The following SH3BGRL2 variants were observed in gnomAD, a reference collection of about 807,000 sequenced individuals.
SH3BGRL2 encodes SH3 domain binding glutamate rich protein like 2.
A neutral mutation model predicts 14.8 loss-of-function variants in SH3BGRL2; 21 were observed. That is an observed-to-expected ratio of 1.42 (90% CI 1.01 to 2.05). The LOEUF (loss-of-function observed/expected upper bound fraction) is 2.05. SH3BGRL2 is among the 30% of genes most tolerant of loss of function. The pLI is 0.00. For synonymous variants in SH3BGRL2, 50 were observed against 47.8 expected, an observed-to-expected ratio of 1.05 and a Z score of -0.19; for missense variants, 147 against 130.8, an observed-to-expected ratio of 1.12 and a Z score of -0.61.
the SH3BGRL2 span, among the ~76,000 whole-genome samples, chr6:79,583,616 C>T: frequency 6.6e-6 from 1 of 152,108 alleles, no homozygotes; most frequent in Non-Finnish European, 1.5e-5. Flanking sequence ...GAACATCACA[C>T]ACCAGGGCCT....
At chr6:79,585,054 T>TAA in the SH3BGRL2 span, among the ~76,000 whole-genome samples, 330 of 148,258 alleles carry the variant, frequency 2.2e-3, 4 homozygotes, top group African/African-American at 6.1e-3. Context: ...CTTTTTTTTT[T>TAA]AAAAAAAAAA....
intron 3 of SH3BGRL2, 74 bp downstream of exon 3, chr6:79,696,639 G>T: frequency 9.1e-7 from 1 of 1,102,840 alleles, no homozygotes. Context: ...TAGAGTGACG[G>T]TGTTAGAGGA....
intron 2 of SH3BGRL2, 28 bp downstream of exon 2, chr6:79,673,827 T>C (rs1369675074): frequency 6.3e-7 from 1 of 1,599,034 alleles, no homozygotes; most frequent in South Asian, 1.1e-5. Context: ...TATCATGCTG[T>C]TTCTTTTTAT....
chr6:79,548,108 A>G, the SH3BGRL2 span, among the ~76,000 whole-genome samples: 105 of 152,212 alleles, frequency 6.9e-4, no homozygotes, highest in African/African-American at 2.2e-3. Context: ...AGCTCAAGCT[A>G]TCCTCCTGCT....
At chr6:79,628,024 C>A (rs1186545447), upstream of SH3BGRL2, among the ~76,000 whole-genome samples, 1 of 152,172 alleles carries the variant, frequency 6.6e-6, no homozygotes, top group Non-Finnish European at 1.5e-5. Flanking sequence ...ATAGCAACAA[C>A]ACTGTGACTT....
At chr6:79,554,966 T>C in the SH3BGRL2 span, among the ~76,000 whole-genome samples, 1 of 152,124 alleles carries the variant, frequency 6.6e-6, no homozygotes, top group East Asian at 1.9e-4. Context: ...TGGCAATATC[T>C]AGCTAGATAA....
At chr6:79,620,095 T>C in the SH3BGRL2 span, among the ~76,000 whole-genome samples, 2 of 152,168 alleles carry the variant, frequency 1.3e-5, no homozygotes, top group Non-Finnish European at 2.9e-5. Flanking sequence ...CTCCAGTTGT[T>C]GTTGTTTTTT....
At chr6:79,684,651 C>T (rs1473022265) in intron 2 of SH3BGRL2, among the ~76,000 whole-genome samples, 1 of 152,176 alleles carries the variant, frequency 6.6e-6, no homozygotes, top group Non-Finnish European at 1.5e-5. Flanking sequence ...AGACTGTGCG[C>T]ATTCCCATTT....
the SH3BGRL2 span, among the ~76,000 whole-genome samples, chr6:79,618,479 C>T: frequency 1.1e-3 from 172 of 152,198 alleles, no homozygotes; most frequent in South Asian, 0.011. Context: ...AGGCCGAGGC[C>T]GGCGGATCAC....
At chr6:79,562,152 C>T in the SH3BGRL2 span, among the ~76,000 whole-genome samples, 24 of 152,078 alleles carry the variant, frequency 1.6e-4, no homozygotes, top group African/African-American at 5.3e-4. Context: ...CTCACAAACT[C>T]AGAGTAAGAC....
Position 79,648,615 on chromosome 6 carries a change from T to C in SH3BGRL2, c.45+17109T>C, listed in dbSNP as rs527856567. On this transcript the variant is annotated intron_variant, in intron 1 of 3. Transcript: ENST00000369838. ...CTGGCCTCAATGCAGTCAAGGTTCT[T>C]TGAGTTCTTAGTTCTTCACGGTTAG... Among the ~76,000 whole-genome samples the C allele has an allele frequency of 3.8e-3, 573 of 152,084 alleles. 6 individuals are homozygous for C. Among genetic ancestry groups the C allele is most frequent in the African/African-American group, 0.013 (522 of 41,496 alleles).
At chr6:79,685,718 C>T (rs1423950735) in intron 2 of SH3BGRL2, among the ~76,000 whole-genome samples, 2 of 151,940 alleles carry the variant, frequency 1.3e-5, no homozygotes, top group African/African-American at 4.8e-5. Flanking sequence ...CTTTTCCTTA[C>T]AGAACTGCTT....
At chr6:79,646,905 A>G (rs1769155166) in intron 1 of SH3BGRL2, among the ~76,000 whole-genome samples, 1 of 152,218 alleles carries the variant, frequency 6.6e-6, no homozygotes, top group African/African-American at 2.4e-5. Context: ...ACTCTGTGGT[A>G]TGAATGTACC....
chr6:79,693,080 G>A (rs1238804883), intron 2 of SH3BGRL2, among the ~76,000 whole-genome samples: 1 of 151,532 alleles, frequency 6.6e-6, no homozygotes, highest in East Asian at 1.9e-4. Context: ...CACATCCCTT[G>A]TAAGTTGGAT....
At chr6:79,592,980 A>G in the SH3BGRL2 span, among the ~76,000 whole-genome samples, 2 of 152,164 alleles carry the variant, frequency 1.3e-5, no homozygotes, top group Non-Finnish European at 2.9e-5. Context: ...GCGTAGAACA[A>G]TTAACAGTGA....
chr6:79,554,705 A>G, the SH3BGRL2 span, among the ~76,000 whole-genome samples: 3 of 152,212 alleles, frequency 2.0e-5, no homozygotes, highest in Non-Finnish European at 4.4e-5. Flanking sequence ...GTCAGGGGTC[A>G]GAGACCTGGG....
chr6:79,660,143 C>T (rs917748040), intron 1 of SH3BGRL2, among the ~76,000 whole-genome samples: 1 of 152,152 alleles, frequency 6.6e-6, no homozygotes, highest in Non-Finnish European at 1.5e-5. Context: ...CTTTCTCTTG[C>T]CTGATTGTCC....
At chr6:79,647,606 G>A (rs1422914856) in intron 1 of SH3BGRL2, among the ~76,000 whole-genome samples, 1 of 151,978 alleles carries the variant, frequency 6.6e-6, no homozygotes, top group African/African-American at 2.4e-5. Flanking sequence ...AGGCTCATAT[G>A]GAATATAATC....
At chr6:79,564,006 A>C in the SH3BGRL2 span, among the ~76,000 whole-genome samples, 1 of 152,200 alleles carries the variant, frequency 6.6e-6, no homozygotes, top group African/African-American at 2.4e-5. Context: ...TTATAAAAAA[A>C]CTGTTAGCAA....
Sources: allele counts gnomAD v4.1 joint callset (sites outside exome capture counted in the v4.1 genomes callset), GRCh38; gene constraint gnomAD v4.1.1; transcripts MANE v1.5; gene names NCBI Gene and HGNC (gene_info 2026-07-23, HGNC 2026-07-21).